TAFA4: variants seen among roughly 807,000 people sequenced by gnomAD.
The protein encoded by TAFA4 is TAFA chemokine like family member 4, also known as chemokine-like protein TAFA-4.
TAFA4 carries 20 observed loss-of-function variants against 21.1 expected under a neutral mutation model. The observed-to-expected ratio is 0.95, with a 90% confidence interval of 0.67 to 1.38. The LOEUF is 1.38. Among genes scored for constraint, TAFA4 ranks in the 40% most tolerant of loss-of-function variants. The pLI is 0.00. For synonymous variants in TAFA4, 71 were observed against 67.4 expected, an observed-to-expected ratio of 1.05 and a Z score of -0.26; for missense variants, 211 against 180.9, an observed-to-expected ratio of 1.17 and a Z score of -0.95.
At chr3:68,807,879 A>G (rs983698247) in intron 3 of TAFA4, among the ~76,000 whole-genome samples, 1 of 152,222 alleles carries the variant, frequency 6.6e-6, no homozygotes, top group Non-Finnish European at 1.5e-5. Context: ...AATTGCAAGT[A>G]TCTGGTAACA....
At chr3:68,774,570 G>C (rs1007942779) in intron 3 of TAFA4, among the ~76,000 whole-genome samples, 7 of 152,328 alleles carry the variant, frequency 4.6e-5, no homozygotes, top group Admixed American at 3.9e-4. Flanking sequence ...ACATATGAGA[G>C]AAGCAGTAGA....
chr3:68,844,809 T>C (rs184836900), intron 3 of TAFA4, among the ~76,000 whole-genome samples: 152 of 152,350 alleles, frequency 1.0e-3, no homozygotes, highest in Non-Finnish European at 1.5e-3. Context: ...CTGTTCAGTT[T>C]CCATGCATTT....
At chr3:68,874,976 C>T (rs920429967) in intron 3 of TAFA4, among the ~76,000 whole-genome samples, 5 of 152,234 alleles carry the variant, frequency 3.3e-5, no homozygotes, top group Admixed American at 3.3e-4. Context: ...CAAGATGGCA[C>T]TGAAGAAATA....
chr3:68,811,666 G>C (rs912981774), intron 3 of TAFA4, among the ~76,000 whole-genome samples: 1 of 152,148 alleles, frequency 6.6e-6, no homozygotes, highest in Non-Finnish European at 1.5e-5. Context: ...AAGAAATATG[G>C]GACTATGTGA....
intron 3 of TAFA4, among the ~76,000 whole-genome samples, chr3:68,865,810 C>G (rs901968787): frequency 2.0e-5 from 3 of 152,006 alleles, no homozygotes; most frequent in Admixed American, 6.6e-5. Context: ...CCAGCTAGAG[C>G]TCAAATTTGA....
At position 68,835,474 on chromosome 3, in the gene TAFA4, C is replaced by T. The variant is rs567021038; in HGVS notation, c.130+45256G>A. On this transcript the variant is annotated intron_variant, in intron 3 of 5. Transcript: ENST00000295569. ...ATGATAAAAACAAATGCATTTCTTC[C>T]TTGTTAGCTGGCTTCTAGAAGGCAT... 3.3e-5 allele frequency among the ~76,000 whole-genome samples: 5 copies of T among 152,288 alleles called. No individual in the cohort carries two copies. In the South Asian group the frequency reaches 1.0e-3, roughly 32 times the overall value.
chr3:68,771,794 C>T lies in TAFA4; in HGVS notation c.131-18776G>A, dbSNP rs1575602440. 2.0e-5 allele frequency among the ~76,000 whole-genome samples: 3 copies of T among 152,216 alleles called. No individual in the cohort carries two copies. The South Asian group carries it at 6.2e-4, about 32-fold the overall frequency. ...AATGCCACAGCATAATGAATGCTCT[C>T]ACATACGAAGAGCAAGAGGTGAGCT... On this transcript the variant is annotated intron_variant, in intron 3 of 5. Coordinates refer to ENST00000295569, the MANE Select transcript of TAFA4 (RefSeq NM_182522.5).
intron 2 of TAFA4, among the ~76,000 whole-genome samples, chr3:68,884,362 T>G (rs770175258): frequency 1.3e-5 from 2 of 152,188 alleles, no homozygotes; most frequent in Non-Finnish European, 2.9e-5. Flanking sequence ...TGGCAGGATC[T>G]GTGGGGTGGC....
intron 3 of TAFA4, among the ~76,000 whole-genome samples, chr3:68,790,144 T>C (rs967789784): frequency 6.6e-6 from 1 of 152,048 alleles, no homozygotes; most frequent in Non-Finnish European, 1.5e-5. Context: ...AATTATCATA[T>C]AAAGGGAGGA....
chr3:68,797,612 CAA>C (rs71112671), intron 3 of TAFA4, among the ~76,000 whole-genome samples: 175 of 75,924 alleles, frequency 2.3e-3, no homozygotes, highest in African/African-American at 7.6e-3. Flanking sequence ...GACTCCATCT[CAA>C]AAAAAAAAAA....
At chr3:68,891,094 A>C (rs1288063428) in intron 1 of TAFA4, among the ~76,000 whole-genome samples, 9 of 152,210 alleles carry the variant, frequency 5.9e-5, no homozygotes, top group Admixed American at 5.9e-4. Context: ...GATGGAAAAC[A>C]GCTGCACTTC....
intron 1 of TAFA4, among the ~76,000 whole-genome samples, chr3:68,900,354 T>C (rs891283092): frequency 1.3e-5 from 2 of 151,482 alleles, no homozygotes; most frequent in African/African-American, 4.8e-5. Context: ...CTTTGGTAAC[T>C]GGGGCCAGAA....
chr3:68,897,904 A>AG (rs1391889274), intron 1 of TAFA4, among the ~76,000 whole-genome samples: 1 of 152,228 alleles, frequency 6.6e-6, no homozygotes, highest in Admixed American at 6.5e-5. Context: ...AATGTTACCC[A>AG]GACTGTACCT....
chr3:68,834,149 C>G (rs1307878158), intron 3 of TAFA4, among the ~76,000 whole-genome samples: 1 of 152,186 alleles, frequency 6.6e-6, no homozygotes, highest in Admixed American at 6.5e-5. Flanking sequence ...ATTCAAAGAT[C>G]ATTCCCTGGA....
intron 3 of TAFA4, among the ~76,000 whole-genome samples, chr3:68,879,456 T>C (rs17048096): frequency 0.024 from 3,720 of 152,192 alleles, 150 homozygotes; most frequent in African/African-American, 0.085. Context: ...AATGCTTCAC[T>C]TGTCAACTAA....
At chr3:68,808,700 C>T (rs942235789) in intron 3 of TAFA4, among the ~76,000 whole-genome samples, 1 of 152,170 alleles carries the variant, frequency 6.6e-6, no homozygotes, top group African/African-American at 2.4e-5. Flanking sequence ...ATTTCTTCCT[C>T]TAAAAACCTA....
At chr3:68,736,203 C>G (rs1036627211) in intron 5 of TAFA4, among the ~76,000 whole-genome samples, 3 of 151,776 alleles carry the variant, frequency 2.0e-5, no homozygotes, top group Non-Finnish European at 4.4e-5. Context: ...AAATGGCAAC[C>G]CCAGATAGTA....
intron 3 of TAFA4, among the ~76,000 whole-genome samples, chr3:68,812,985 A>C (rs954870623): frequency 1.3e-5 from 2 of 152,228 alleles, no homozygotes; most frequent in Non-Finnish European, 2.9e-5. Context: ...CTCTCAGACC[A>C]CAGTGCAATC....
chr3:68,831,969 T>C (rs1704406940), intron 3 of TAFA4, among the ~76,000 whole-genome samples: 1 of 152,206 alleles, frequency 6.6e-6, no homozygotes, highest in African/African-American at 2.4e-5. Context: ...CTTGATCAAA[T>C]TGGCTACTGA....
Sources: gnomAD v4.1 joint callset for allele counts (sites outside exome capture counted in the v4.1 genomes callset) on GRCh38, gnomAD v4.1.1 for gene constraint, MANE v1.5 for transcripts, NCBI Gene and HGNC (gene_info 2026-07-23, HGNC 2026-07-21) for gene names.